Variants in KBTBD2 observed in about 807,000 individuals in gnomAD.
KBTBD2 encodes the protein kelch repeat and BTB domain containing 2, also known as kelch repeat and BTB domain-containing protein 2.
Under a neutral mutation model 57.1 loss-of-function variants are expected in KBTBD2, and 17 were observed. The ratio of observed to expected loss-of-function variants is 0.30; its 90% confidence interval spans 0.20 to 0.45. The LOEUF (loss-of-function observed/expected upper bound fraction) is 0.45. Ranked by LOEUF, KBTBD2 falls within the 20% of genes least tolerant of loss-of-function variation. The pLI, the probability that KBTBD2 is intolerant of heterozygous loss-of-function variation, is 1.00. For synonymous variants in KBTBD2, 267 were observed against 262.7 expected, an observed-to-expected ratio of 1.02 and a Z score of -0.16; for missense variants, 515 against 750.6, an observed-to-expected ratio of 0.69 and a Z score of 3.67.
chr7:32,889,982 C>A (rs948042045), intron 1 of KBTBD2, among the ~76,000 whole-genome samples: 3 of 152,240 alleles, frequency 2.0e-5, no homozygotes. Flanking sequence ...GACATATGTA[C>A]TGATACCTCT....
In KBTBD2 at chr7:32,869,417, A is replaced by C. The variant is rs780312274; in HGVS notation, c.1800T>G (p.Thr600=). ...CTGTCCCATCCGTTGAAAAAAGATAAGTTGGTGGTTTCCATGGAGACTCTT... is the reference window on the plus strand; with the variant it reads ...CTGTCCCATCCGTTGAAAAAAGATACGTTGGTGGTTTCCATGGAGACTCTT... ...CLEESPWKPP[T]YLFSTDGTEE... The change falls in exon 4 of 4, where the codon ACT becomes ACG. Residue 600 remains threonine (T), a synonymous_variant. Coordinates refer to ENST00000304056, the MANE Select transcript of KBTBD2 (RefSeq NM_015483.3). The C allele has an allele frequency of 1.2e-6, 2 of 1,614,004 alleles. No individual in the cohort carries two copies. The highest frequency in any genetic ancestry group is 1.3e-5 in the African/African-American group (1 of 74,920).
intron 1 of KBTBD2, among the ~76,000 whole-genome samples, chr7:32,883,320 G>A (rs1784488446): frequency 6.6e-6 from 1 of 152,196 alleles, no homozygotes; most frequent in Non-Finnish European, 1.5e-5. Flanking sequence ...CCAGGAGGAG[G>A]AGGTTGCAGT....
Position 32,876,402 on chromosome 7 carries a change from A to G in KBTBD2, c.171-1245T>C, listed in dbSNP as rs529957134. Among the ~76,000 whole-genome samples, 5 of 152,332 alleles carry G rather than the reference A, an allele frequency of 3.3e-5. No individual in the cohort carries two copies. The South Asian group carries it at 1.0e-3, about 32-fold the overall frequency. On this transcript the variant is annotated intron_variant, in intron 2 of 3. Transcript: ENST00000304056. ...GGAAACCAGAAAATGAATTGGAAAG[A>G]TGGAGAGCAGTCAGATCACAGAGGG...
intron 2 of KBTBD2, among the ~76,000 whole-genome samples, chr7:32,877,576 T>C (rs1583780412): frequency 6.6e-6 from 1 of 152,182 alleles, no homozygotes; most frequent in East Asian, 1.9e-4. Context: ...GAGCATTAGA[T>C]GTAAAGATCT....
rs778127397 is a variant in KBTBD2 at position 32,870,402 on chromosome 7, A to G, written c.815T>C (p.Ile272Thr). ...ACAAGGATTTTCTGAAGATGCTTCA[A>G]TGAAAATCATCATTTCCTCTTTAGT... ...GMTKEEMMIF[I>T]EASSENPCSL... Residue 272 changes from isoleucine to threonine, a missense_variant, in exon 4 of 4, where the codon ATT (isoleucine) becomes ACT (threonine). Coordinates refer to ENST00000304056, the MANE Select transcript of KBTBD2 (RefSeq NM_015483.3). The G allele has an allele frequency of 1.3e-5, 21 of 1,613,780 alleles. No individual in the cohort carries two copies. The highest frequency in any genetic ancestry group is 7.7e-5 in the South Asian group (7 of 91,060).
chr7:32,885,639 A>C (rs1332261006), intron 1 of KBTBD2, among the ~76,000 whole-genome samples: 3 of 152,152 alleles, frequency 2.0e-5, no homozygotes, highest in Non-Finnish European at 4.4e-5. Flanking sequence ...CCTATATTCT[A>C]ACACTGATCA....
At chr7:32,874,391 C>T (rs920066541) in intron 3 of KBTBD2, 1 of 151,586 alleles carries the variant, frequency 6.6e-6, no homozygotes. Flanking sequence ...CAGAATGATA[C>T]TCCGTCTCAA....
At position 32,870,560 on chromosome 7, in the gene KBTBD2, T is replaced by G. The variant is rs750083789; in HGVS notation, c.657A>C (p.Gln219His). ...RSQYLSSVLS[Q>H]IRIDALSEVT... Reference sequence around the variant, plus strand: ...CTTCTGAAAGTGCATCAATTCTGATTTGGCTAAGAACAGAAGACAAATACT... The same window carrying G: ...CTTCTGAAAGTGCATCAATTCTGATGTGGCTAAGAACAGAAGACAAATACT... The change falls in exon 4 of 4, where the codon CAA becomes CAC. Residue 219 changes from glutamine (Q) to histidine (H), a missense_variant. Coordinates refer to ENST00000304056, the MANE Select transcript of KBTBD2 (RefSeq NM_015483.3). 1 of 1,614,074 alleles carries G rather than the reference T, an allele frequency of 6.2e-7. No homozygotes were observed. Among genetic ancestry groups the G allele is most frequent in the East Asian group, 2.2e-5 (1 of 44,894 alleles).
chr7:32,884,110 A>C lies in KBTBD2; in HGVS notation c.-338-4168T>G, dbSNP rs1478652284. Among the ~76,000 whole-genome samples the C allele has an allele frequency of 7.2e-5, 11 of 152,254 alleles. No individual in the cohort carries two copies. The East Asian group carries it at 2.1e-3, about 29-fold the overall frequency. On this transcript the variant is annotated intron_variant, in intron 1 of 3. Coordinates refer to ENST00000304056, the MANE Select transcript of KBTBD2 (RefSeq NM_015483.3). ...AAATGAGCAAAGGTATCTGGTGCTC[A>C]GCCCTACTACTAACAGTGGATCACA... is the stretch of plus-strand genomic sequence containing the variant.
At chr7:32,890,263 G>C (rs1784697232) in intron 1 of KBTBD2, among the ~76,000 whole-genome samples, 2 of 152,096 alleles carry the variant, frequency 1.3e-5, no homozygotes, top group African/African-American at 4.8e-5. Flanking sequence ...TAAGCCAACA[G>C]AAGATCAAAG....
chr7:32,874,769 G>A (rs2127950713), intron 3 of KBTBD2: 1 of 369,816 alleles, frequency 2.7e-6, no homozygotes, highest in Non-Finnish European at 5.0e-6. Flanking sequence ...CAAGGCAGGT[G>A]GATCACGAGG....
intron 1 of KBTBD2, among the ~76,000 whole-genome samples, chr7:32,888,694 CAAAAAAA>C (rs1229378677): frequency 3.0e-5 from 3 of 98,486 alleles, no homozygotes; most frequent in Non-Finnish European, 6.6e-5. Flanking sequence ...GACTCCGTCC[CAAAAAAA>C]AAAAAAAAAA....
intron 1 of KBTBD2, among the ~76,000 whole-genome samples, chr7:32,882,168 A>G (rs893686001): frequency 6.6e-6 from 1 of 152,160 alleles, no homozygotes; most frequent in African/African-American, 2.4e-5. Context: ...ATACCAATCT[A>G]CTAATCCTAC....
chr7:32,891,303 C>T (rs1784732907), intron 1 of KBTBD2: 3 of 148,600 alleles, frequency 2.0e-5, no homozygotes, highest in Admixed American at 6.7e-5. Flanking sequence ...CGGACCTGCC[C>T]GGAGCTCCGC....
chr7:32,886,217 A>G (rs1322730823), intron 1 of KBTBD2, among the ~76,000 whole-genome samples: 1 of 152,070 alleles, frequency 6.6e-6, no homozygotes, highest in Non-Finnish European at 1.5e-5. Context: ...GCCTCTACCC[A>G]CTGACTTTCT....
Position 32,879,633 on chromosome 7 carries a change from C to G in KBTBD2, c.-29G>C, listed in dbSNP as rs369309980. 47 of 1,597,514 alleles carry G rather than the reference C, an allele frequency of 2.9e-5. No homozygotes were observed. Among genetic ancestry groups the G allele is most frequent in the Non-Finnish European group, 3.8e-5 (45 of 1,169,412 alleles). ...TGTATTCCATTAATATCTCCAGGAA[C>G]AGATTAGAAAAGTCCGTCTTACTGA... On this transcript the variant is annotated 5_prime_UTR_variant, in exon 2 of 4. Transcript: ENST00000304056.
Position 32,875,076 on chromosome 7 carries a change from T to C in KBTBD2, c.252A>G (p.Ile84Met). 6.2e-7 allele frequency: 1 copy of C among 1,614,184 alleles called. No homozygotes were observed. The highest frequency in any genetic ancestry group is 8.5e-7 in the Non-Finnish European group (1 of 1,180,000). Residue 84 changes from isoleucine to methionine, a missense_variant, in exon 3 of 4, where the codon ATA becomes ATG. Ile to Met is a conservative substitution (Grantham distance 10, BLOSUM62 1). Coordinates refer to ENST00000304056, the MANE Select transcript of KBTBD2 (RefSeq NM_015483.3). ...TACCCGTGTATGCATAAGTTATTAT[T>C]ATCTGTAAGGTGGCAGCATCGACAT... is the stretch of plus-strand genomic sequence containing the variant. Reference protein sequence around the residue: ...LRNVDAATLQIIITYAYTGNL... With the variant: ...LRNVDAATLQMIITYAYTGNL...
chr7:32,880,285 C>A (rs1183803432), intron 1 of KBTBD2, among the ~76,000 whole-genome samples: 1 of 151,856 alleles, frequency 6.6e-6, no homozygotes, highest in Non-Finnish European at 1.5e-5. Context: ...TGTCTGGTAG[C>A]AACAAATGAT....
intron 1 of KBTBD2, among the ~76,000 whole-genome samples, chr7:32,883,271 T>C (rs908451361): frequency 1.3e-5 from 2 of 152,054 alleles, no homozygotes; most frequent in Non-Finnish European, 2.9e-5. Context: ...CTAGCTACTC[T>C]GGAGGCTGAG....
Sources: allele counts gnomAD v4.1 joint callset (sites outside exome capture counted in the v4.1 genomes callset), GRCh38; gene constraint gnomAD v4.1.1; transcripts MANE v1.5; gene names NCBI Gene and HGNC (gene_info 2026-07-23, HGNC 2026-07-21).